CFAP299: variants seen among roughly 807,000 people sequenced by gnomAD.
CFAP299 encodes the protein cilia- and flagella-associated protein 299.
A neutral mutation model predicts 27.0 loss-of-function variants in CFAP299; 21 were observed. The ratio of observed to expected loss-of-function variants is 0.78; its 90% confidence interval spans 0.55 to 1.12. The LOEUF (loss-of-function observed/expected upper bound fraction) is 1.12, where lower values mean the gene tolerates loss of function less well. CFAP299 is among the 50% of genes most tolerant of loss of function. The pLI, the probability that CFAP299 is intolerant of heterozygous loss-of-function variation, is 0.00. For synonymous variants in CFAP299, 104 were observed against 98.1 expected, an observed-to-expected ratio of 1.06 and a Z score of -0.36; for missense variants, 310 against 276.6, an observed-to-expected ratio of 1.12 and a Z score of -0.86.
chr4:80,477,127 T>G (rs1399765803), intron 2 of CFAP299, among the ~76,000 whole-genome samples: 10 of 152,086 alleles, frequency 6.6e-5, no homozygotes, highest in Admixed American at 6.6e-4. Context: ...CAATCATAGC[T>G]CACTGCAGCC....
At chr4:80,688,449 G>T (rs532360202) in intron 3 of CFAP299, among the ~76,000 whole-genome samples, 1 of 152,086 alleles carries the variant, frequency 6.6e-6, no homozygotes, top group East Asian at 1.9e-4. Context: ...TCACACAGCC[G>T]GCCGGGTACT....
In CFAP299 at chr4:80,961,928, T is replaced by C. The variant is rs1384161808; in HGVS notation, c.607-1589T>C. ...GCTAGCCCACAATGTTCTGAATCAC[T>C]GCTGTCACCAGTAGGAAATAATATA... is the stretch of plus-strand genomic sequence containing the variant. On this transcript the variant is annotated intron_variant, in intron 5 of 5. Transcript: ENST00000358105. Among the ~76,000 whole-genome samples, 3 of 151,974 alleles carry C rather than the reference T, an allele frequency of 2.0e-5. No individual in the cohort carries two copies. In the East Asian group the frequency reaches 5.8e-4, roughly 29 times the overall value.
At chr4:80,698,300 A>C (rs1000804737) in intron 3 of CFAP299, among the ~76,000 whole-genome samples, 8 of 152,336 alleles carry the variant, frequency 5.3e-5, no homozygotes, top group African/African-American at 1.9e-4. Context: ...ATTTTCTATC[A>C]CAATGGGCTC....
intron 5 of CFAP299, among the ~76,000 whole-genome samples, chr4:80,952,381 A>G (rs944585704): frequency 2.6e-5 from 4 of 152,200 alleles, no homozygotes; most frequent in Non-Finnish European, 4.4e-5. Flanking sequence ...TTAGCTAAAA[A>G]CTACCAGAGT....
chr4:80,386,392 C>A lies in CFAP299; in HGVS notation c.242+23508C>A. On this transcript the variant is annotated intron_variant, in intron 2 of 5. Transcript: ENST00000358105. ...GGCTTGCCCGGGACGGCCTCGGGCA[C>A]CAGACCAGCCCCTGTGTCCTTCATC... 2.6e-6 allele frequency: 4 copies of A among 1,531,504 alleles called. No individual in the cohort carries two copies. The East Asian group carries it at 9.3e-5, about 36-fold the overall frequency. 94.9% of individuals were successfully genotyped at this position (1,531,504 alleles called of 1,614,324 possible).
intron 3 of CFAP299, among the ~76,000 whole-genome samples, chr4:80,736,522 C>T (rs1005422980): frequency 6.6e-6 from 1 of 151,802 alleles, no homozygotes; most frequent in African/African-American, 2.4e-5. Context: ...AGACACTTCT[C>T]AAAAGAAGAC....
At chr4:80,937,009 T>G (rs1047414754) in intron 4 of CFAP299, among the ~76,000 whole-genome samples, 1 of 152,070 alleles carries the variant, frequency 6.6e-6, no homozygotes, top group Non-Finnish European at 1.5e-5. Flanking sequence ...TTATTCATTT[T>G]CTGGCTGGGT....
chr4:80,924,594 CTCAA>C (rs1251461275), intron 4 of CFAP299, among the ~76,000 whole-genome samples: 4 of 148,484 alleles, frequency 2.7e-5, no homozygotes, highest in Admixed American at 2.0e-4. Flanking sequence ...AGTGGAATTG[CTCAA>C]TCATTTATAA....
intron 3 of CFAP299, among the ~76,000 whole-genome samples, chr4:80,597,964 G>C (rs140896111): frequency 6.0e-4 from 91 of 152,308 alleles, no homozygotes; most frequent in African/African-American, 2.0e-3. Context: ...TGGGATTATA[G>C]GCATGAGCCG....
intron 3 of CFAP299, among the ~76,000 whole-genome samples, chr4:80,859,654 C>A (rs914250717): frequency 6.6e-6 from 1 of 152,008 alleles, no homozygotes; most frequent in Non-Finnish European, 1.5e-5. Context: ...TATTTTATTT[C>A]TCCTTCACTT....
At chr4:80,772,267 G>T (rs1578109334) in intron 3 of CFAP299, among the ~76,000 whole-genome samples, 2 of 152,168 alleles carry the variant, frequency 1.3e-5, no homozygotes, top group Non-Finnish European at 2.9e-5. Context: ...GTAGCTTGGA[G>T]AAAATTGACA....
chr4:80,864,849 C>A (rs887194238), intron 3 of CFAP299, among the ~76,000 whole-genome samples: 1 of 152,030 alleles, frequency 6.6e-6, no homozygotes, highest in African/African-American at 2.4e-5. Flanking sequence ...AAGGGCTTAG[C>A]AAAATAGTGT....
intron 2 of CFAP299, among the ~76,000 whole-genome samples, chr4:80,431,970 T>C (rs1402998545): frequency 6.6e-6 from 1 of 152,200 alleles, no homozygotes; most frequent in African/African-American, 2.4e-5. Context: ...CATTGTCAGC[T>C]CTATAAGGAT....
At chr4:80,843,453 C>T (rs570767495) in intron 3 of CFAP299, among the ~76,000 whole-genome samples, 46 of 152,208 alleles carry the variant, frequency 3.0e-4, no homozygotes, top group African/African-American at 1.0e-3. Context: ...TGTATATGTG[C>T]CACATTTTCA....
At chr4:80,592,496 A>G (rs767098618) in intron 3 of CFAP299, among the ~76,000 whole-genome samples, 18 of 152,222 alleles carry the variant, frequency 1.2e-4, no homozygotes, top group Non-Finnish European at 1.5e-4. Context: ...GAAACATATC[A>G]TTAGAAATGG....
In CFAP299 at chr4:80,545,450, A is replaced by C. The variant is rs1274142692; in HGVS notation, c.243-37643A>C. On this transcript the variant is annotated intron_variant, in intron 2 of 5. Transcript: ENST00000358105. ...AAACCACCCTACAGAAGAAAAAAAA[A>C]CCCTCAGACTATTACAAACATCTCT... Among the ~76,000 whole-genome samples the C allele has an allele frequency of 6.6e-5, 10 of 152,012 alleles. 1 individual carries two copies. Among genetic ancestry groups the C allele is most frequent in the Non-Finnish European group, 2.9e-5 (2 of 67,964 alleles).
At chr4:80,629,479 C>G (rs180684788) in intron 3 of CFAP299, among the ~76,000 whole-genome samples, 1 of 151,920 alleles carries the variant, frequency 6.6e-6, no homozygotes, top group Non-Finnish European at 1.5e-5. Flanking sequence ...CTACAAAAAT[C>G]AAAAATGATA....
chr4:80,396,785 A>C (rs887278574), intron 2 of CFAP299, among the ~76,000 whole-genome samples: 1 of 152,088 alleles, frequency 6.6e-6, no homozygotes, highest in Middle Eastern at 3.2e-3. Flanking sequence ...GGTTGCCAGT[A>C]TTTTACTGAG....
At position 80,583,068 on chromosome 4, in the gene CFAP299, A is replaced by G. The variant is rs190071166; in HGVS notation, c.243-25A>G. 212 of 1,486,216 alleles carry G rather than the reference A, an allele frequency of 1.4e-4. No homozygotes were observed. The African/African-American group carries it at 2.5e-3, about 17-fold the overall frequency. The allele number at this position is 1,486,216 out of a possible 1,614,324, so 92.1% of individuals were successfully genotyped here. On this transcript the variant is annotated intron_variant, in intron 2 of 5. Transcript: ENST00000358105. ...AAACATATTTGTTATCTAATATATTATAACTGAAGATCTGCCTTTTACAGG... is the reference window on the plus strand; with the variant it reads ...AAACATATTTGTTATCTAATATATTGTAACTGAAGATCTGCCTTTTACAGG...
Sources: gnomAD v4.1 joint callset for allele counts (sites outside exome capture counted in the v4.1 genomes callset) on GRCh38, gnomAD v4.1.1 for gene constraint, MANE v1.5 for transcripts, NCBI Gene and HGNC (gene_info 2026-07-23, HGNC 2026-07-21) for gene names.